The following SPMIP2 variants were observed in gnomAD, a reference collection of about 807,000 sequenced individuals.
SPMIP2 encodes protein SPMIP2.
the SPMIP2 span, among the ~76,000 whole-genome samples, chr4:158,954,552 C>T: frequency 1.3e-5 from 2 of 152,186 alleles, no homozygotes; most frequent in Non-Finnish European, 2.9e-5. Flanking sequence ...TAGAGAAACC[C>T]ACTGACTTTG....
the SPMIP2 span, among the ~76,000 whole-genome samples, chr4:159,072,980 C>G: frequency 6.6e-6 from 1 of 152,102 alleles, no homozygotes; most frequent in Non-Finnish European, 1.5e-5. Flanking sequence ...TCTCACAATG[C>G]TGCAGCCAGA....
the SPMIP2 span, among the ~76,000 whole-genome samples, chr4:158,923,194 TGA>T: frequency 6.6e-6 from 1 of 152,196 alleles, no homozygotes; most frequent in Admixed American, 6.5e-5. Context: ...TGGAAAAGTG[TGA>T]GTTCTCCAAC....
chr4:158,982,770 G>A, the SPMIP2 span, among the ~76,000 whole-genome samples: 1 of 151,974 alleles, frequency 6.6e-6, no homozygotes, highest in Non-Finnish European at 1.5e-5. Context: ...GGAGAAAGCA[G>A]GAGAGATCCA....
chr4:158,991,221 ATG>A, the SPMIP2 span, among the ~76,000 whole-genome samples: 48,707 of 152,078 alleles, frequency 0.32, 7,922 homozygotes, highest in South Asian at 0.37. Flanking sequence ...GTAGACGTGT[ATG>A]GGCAGACTGG....
chr4:159,041,190 C>T, the SPMIP2 span, among the ~76,000 whole-genome samples: 4 of 152,204 alleles, frequency 2.6e-5, no homozygotes, highest in African/African-American at 7.2e-5. Flanking sequence ...GGTAAGATGA[C>T]GCTGAGAGTA....
chr4:158,901,737 A>G, the SPMIP2 span, among the ~76,000 whole-genome samples: 1 of 151,194 alleles, frequency 6.6e-6, no homozygotes, highest in Admixed American at 6.6e-5. Flanking sequence ...CATTAAGTTG[A>G]TCTTCAATCT....
chr4:159,010,069 G>A, the SPMIP2 span, among the ~76,000 whole-genome samples: 5 of 152,186 alleles, frequency 3.3e-5, no homozygotes, highest in Non-Finnish European at 7.3e-5. Context: ...GAGACCATGG[G>A]CAAAATCCCG....
At chr4:159,055,775 C>G in the SPMIP2 span, among the ~76,000 whole-genome samples, 1 of 152,100 alleles carries the variant, frequency 6.6e-6, no homozygotes, top group African/African-American at 2.4e-5. Flanking sequence ...AAGAGTGAGG[C>G]TGATGTGGTG....
the SPMIP2 span, among the ~76,000 whole-genome samples, chr4:158,912,364 AT>A: frequency 3.9e-5 from 6 of 152,254 alleles, no homozygotes; most frequent in Admixed American, 1.3e-4. Context: ...TGGATATAAA[AT>A]ATTCCCATTT....
the SPMIP2 span, among the ~76,000 whole-genome samples, chr4:159,078,702 C>T: frequency 1.3e-5 from 2 of 152,152 alleles, no homozygotes; most frequent in African/African-American, 4.8e-5. Context: ...TAAGGAAAAG[C>T]AGGAAGTAAA....
chr4:158,953,240 T>C, the SPMIP2 span, among the ~76,000 whole-genome samples: 117,120 of 152,092 alleles, frequency 0.77, 45,502 homozygotes, highest in East Asian at 0.95. Flanking sequence ...CCAGGGTCCC[T>C]GTGCTGTGTG....
At chr4:159,011,505 CT>C in the SPMIP2 span, among the ~76,000 whole-genome samples, 13 of 152,144 alleles carry the variant, frequency 8.5e-5, no homozygotes, top group Non-Finnish European at 1.6e-4. Context: ...AATCCCAGCA[CT>C]TTGGGAGGCC....
the SPMIP2 span, among the ~76,000 whole-genome samples, chr4:158,990,129 CTCA>C: frequency 6.6e-6 from 1 of 152,144 alleles, no homozygotes; most frequent in South Asian, 2.1e-4. Flanking sequence ...TGAAAAAAAG[CTCA>C]TCATCACTGG....
chr4:158,899,111 G>A, the SPMIP2 span, among the ~76,000 whole-genome samples: 1 of 152,260 alleles, frequency 6.6e-6, no homozygotes, highest in Admixed American at 6.5e-5. Context: ...ATAATCATCT[G>A]GTTTTTGTCA....
At chr4:158,977,823 C>A in the SPMIP2 span, among the ~76,000 whole-genome samples, 2 of 152,008 alleles carry the variant, frequency 1.3e-5, no homozygotes, top group Non-Finnish European at 2.9e-5. Context: ...ACTGTGTTAG[C>A]CAGGATGGTC....
the SPMIP2 span, among the ~76,000 whole-genome samples, chr4:159,019,019 G>T: frequency 1.3e-5 from 2 of 152,190 alleles, no homozygotes; most frequent in South Asian, 4.1e-4. Flanking sequence ...GAACCCAGGA[G>T]GCGGAGCTTG....
At chr4:159,069,839 T>C in the SPMIP2 span, among the ~76,000 whole-genome samples, 1 of 152,146 alleles carries the variant, frequency 6.6e-6, no homozygotes, top group South Asian at 2.1e-4. Flanking sequence ...ACCATTTAAA[T>C]ATTGTCTCTA....
At chr4:158,963,256 T>A in the SPMIP2 span, among the ~76,000 whole-genome samples, 1 of 150,382 alleles carries the variant, frequency 6.6e-6, no homozygotes, top group African/African-American at 2.5e-5. Context: ...TACGCTAAGG[T>A]ATTACTGTTA....
chr4:159,062,201 T>TAG, the SPMIP2 span, among the ~76,000 whole-genome samples: 1 of 152,186 alleles, frequency 6.6e-6, no homozygotes, highest in Non-Finnish European at 1.5e-5. Context: ...GCAGAGACTA[T>TAG]TTTCATTATT....
Sources: allele counts gnomAD v4.1 joint callset (sites outside exome capture counted in the v4.1 genomes callset), GRCh38; gene constraint gnomAD v4.1.1; transcripts MANE v1.5; gene names NCBI Gene and HGNC (gene_info 2026-07-23, HGNC 2026-07-21).